CNTNAP2: variants seen among roughly 807,000 people sequenced by gnomAD.
The protein encoded by CNTNAP2 is contactin-associated protein-like 2.
A neutral mutation model predicts 155.2 loss-of-function variants in CNTNAP2; 98 were observed. The ratio of observed to expected loss-of-function variants is 0.63; its 90% CI spans 0.54 to 0.75. The LOEUF is 0.75. Among genes scored for constraint, CNTNAP2 ranks in the 30% least tolerant of loss-of-function variants. CNTNAP2 has a pLI of 0.00. For missense variants in CNTNAP2, 1,727 were observed against 1,688.1 expected (o/e 1.02, Z -0.40); for synonymous variants, 651 against 631.2 (o/e 1.03, Z -0.47).
intron 6 of CNTNAP2, chr7:147,122,544 A>G (rs920576615): frequency 6.6e-6 from 1 of 152,242 alleles, no homozygotes; most frequent in African/African-American, 2.4e-5. Context: ...TGGGGATCAG[A>G]TTTGCCAATG....
chr7:146,413,063 AAAAAC>A (rs1359066042), intron 1 of CNTNAP2, among the ~76,000 whole-genome samples: 2 of 151,288 alleles, frequency 1.3e-5, no homozygotes, highest in African/African-American at 4.9e-5. Context: ...TTGCAGAGCA[AAAAAC>A]AAAACAATTG....
intron 8 of CNTNAP2, among the ~76,000 whole-genome samples, chr7:147,242,637 G>A (rs73459566): frequency 0.03 from 4,601 of 151,878 alleles, 238 homozygotes; most frequent in African/African-American, 0.11. Flanking sequence ...TTTCCTTATC[G>A]CTCTTTTGAT....
chr7:148,111,855 G>A (rs897974434), intron 15 of CNTNAP2, among the ~76,000 whole-genome samples: 6 of 152,282 alleles, frequency 3.9e-5, no homozygotes, highest in South Asian at 4.2e-4. Flanking sequence ...AGTTAACCTC[G>A]AGTATCTCTT....
chr7:147,215,349 C>G lies in CNTNAP2; in HGVS notation c.1348+82840C>G, dbSNP rs139918191. 2.6e-3 allele frequency among the ~76,000 whole-genome samples: 403 copies of G among 152,250 alleles called. 1 individual carries two copies. Among genetic ancestry groups the G allele is most frequent in the African/African-American group, 9.1e-3 (377 of 41,548 alleles). ...ACCCCAAAAATCTGCCATGCTGTAT[C>G]TATTCATCCCTCACTCCCCACAACC... On this transcript the variant is annotated intron_variant, in intron 8 of 23. Transcript: ENST00000361727.
chr7:147,608,779 C>T (rs1020689657), intron 12 of CNTNAP2, among the ~76,000 whole-genome samples: 5 of 152,054 alleles, frequency 3.3e-5, no homozygotes, highest in South Asian at 2.1e-4. Context: ...TTATTTCACC[C>T]GGGTGCAGGC....
chr7:147,513,696 A>G (rs1439030871), intron 11 of CNTNAP2, among the ~76,000 whole-genome samples: 1 of 152,258 alleles, frequency 6.6e-6, no homozygotes, highest in African/African-American at 2.4e-5. Flanking sequence ...CAAGCTGCTC[A>G]TCTGTGCCTG....
intron 1 of CNTNAP2, among the ~76,000 whole-genome samples, chr7:146,580,618 C>T (rs1798597714): frequency 6.6e-6 from 1 of 152,028 alleles, no homozygotes; most frequent in Non-Finnish European, 1.5e-5. Flanking sequence ...TTTCCTGGCC[C>T]ACACTCCTGT....
At chr7:146,523,504 G>C (rs1261420530) in intron 1 of CNTNAP2, among the ~76,000 whole-genome samples, 1 of 152,000 alleles carries the variant, frequency 6.6e-6, no homozygotes, top group Non-Finnish European at 1.5e-5. Context: ...ATCATATCAT[G>C]TCCAAAATAA....
chr7:146,321,877 C>G (rs73740435), intron 1 of CNTNAP2, among the ~76,000 whole-genome samples: 13,320 of 152,104 alleles, frequency 0.088, 1,652 homozygotes, highest in African/African-American at 0.28. Flanking sequence ...GGATTAGTGG[C>G]TCCATTATTT....
At chr7:146,250,221 C>G (rs802519) in intron 1 of CNTNAP2, among the ~76,000 whole-genome samples, 24,987 of 152,126 alleles carry the variant, frequency 0.16, 4,803 homozygotes, top group African/African-American at 0.47. Context: ...TCTGAGGCTT[C>G]TTATGATAAT....
At chr7:148,155,759 G>T (rs1805387855) in intron 17 of CNTNAP2, among the ~76,000 whole-genome samples, 1 of 152,140 alleles carries the variant, frequency 6.6e-6, no homozygotes, top group African/African-American at 2.4e-5. Context: ...TGAGGTCAGG[G>T]GTCTAGGGTG....
rs1240325356 is a variant in CNTNAP2, at chr7:146,616,908, A to C, written c.98-157363A>C. 4.6e-5 allele frequency among the ~76,000 whole-genome samples: 7 copies of C among 152,316 alleles called. 1 individual carries two copies. Among genetic ancestry groups the C allele is most frequent in the African/African-American group, 1.4e-4 (6 of 41,568 alleles). On this transcript the variant is annotated intron_variant, in intron 1 of 23. Coordinates refer to ENST00000361727, the MANE Select transcript of CNTNAP2 (RefSeq NM_014141.6). ...ATACAGTTTATTCCATAGAAAAAAA[A>C]CCTAAAGTTGCTGTAAAATGTGTTT...
At chr7:147,070,798 T>A (rs1269945693) in intron 4 of CNTNAP2, among the ~76,000 whole-genome samples, 2 of 152,180 alleles carry the variant, frequency 1.3e-5, no homozygotes, top group African/African-American at 4.8e-5. Flanking sequence ...ATACTCATAT[T>A]GTTGGCTGGA....
At chr7:146,746,760 C>A (rs1801815909) in intron 1 of CNTNAP2, among the ~76,000 whole-genome samples, 1 of 152,086 alleles carries the variant, frequency 6.6e-6, no homozygotes, top group Non-Finnish European at 1.5e-5. Context: ...AGATCAAAAG[C>A]ATTTGCCAAT....
At chr7:147,798,564 G>A (rs1008201420) in intron 13 of CNTNAP2, among the ~76,000 whole-genome samples, 2 of 152,112 alleles carry the variant, frequency 1.3e-5, no homozygotes, top group African/African-American at 4.8e-5. Flanking sequence ...GTAACATCTA[G>A]ACATATAAAC....
At chr7:146,286,533 T>G (rs1800340309) in intron 1 of CNTNAP2, among the ~76,000 whole-genome samples, 3 of 152,154 alleles carry the variant, frequency 2.0e-5, no homozygotes, top group Non-Finnish European at 4.4e-5. Context: ...TCTTAACACT[T>G]GCCATCTTCA....
At chr7:146,617,278 A>G (rs1799242157) in intron 1 of CNTNAP2, among the ~76,000 whole-genome samples, 1 of 152,240 alleles carries the variant, frequency 6.6e-6, no homozygotes, top group Non-Finnish European at 1.5e-5. Context: ...AAATCTCCAA[A>G]TTCCACTACC....
intron 1 of CNTNAP2, among the ~76,000 whole-genome samples, chr7:146,353,444 CTT>C (rs1794952204): frequency 6.6e-6 from 1 of 152,154 alleles, no homozygotes; most frequent in South Asian, 2.1e-4. Flanking sequence ...GCTTGGGCCT[CTT>C]TATCTACATT....
chr7:147,618,994 A>G (rs932976703), intron 12 of CNTNAP2, among the ~76,000 whole-genome samples: 3 of 152,216 alleles, frequency 2.0e-5, no homozygotes, highest in Admixed American at 6.5e-5. Flanking sequence ...TGCCAGAGAC[A>G]GGAACAGGTC....
Sources: gnomAD v4.1 joint callset for allele counts (sites outside exome capture counted in the v4.1 genomes callset) on GRCh38, gnomAD v4.1.1 for gene constraint, MANE v1.5 for transcripts, NCBI Gene and HGNC (gene_info 2026-07-23, HGNC 2026-07-21) for gene names.